SYNPO2: variants seen among roughly 807,000 people sequenced by gnomAD.
The protein encoded by SYNPO2 is synaptopodin-2.
In SYNPO2, 56 loss-of-function variants were observed where a neutral mutation model predicts 85.0. The observed-to-expected ratio is 0.66, with a 90% CI of 0.53 to 0.82. SYNPO2 has a LOEUF of 0.82. SYNPO2 is among the 40% of genes least tolerant of loss of function. The pLI is 0.00. For missense variants in SYNPO2, 1,575 were observed against 1,534.2 expected (o/e 1.03, Z -0.44); for synonymous variants, 602 against 591.1 (o/e 1.02, Z -0.27).
chr4:119,035,824 A>AG, intron 4 of SYNPO2: 1 of 983,790 alleles, frequency 1.0e-6, no homozygotes, highest in Non-Finnish European at 1.2e-6. Flanking sequence ...ATGTCCAAAA[A>AG]AAAAAAAAAA....
rs1172961408 is a variant in SYNPO2, at chr4:119,030,642, T to C, written c.1867T>C (p.Ser623Pro). ...TGACTTTCCTGCACCTCCACCTTACTCTGCAGTCACTCCTCCCCCTGACGC... is the reference window on the plus strand; with the variant it reads ...TGACTTTCCTGCACCTCCACCTTACCCTGCAGTCACTCCTCCCCCTGACGC... ...IADFPAPPPY[S>P]AVTPPPDAFS... The change falls in exon 4 of 5, where the codon TCT becomes CCT. Residue 623 changes from serine to proline, a missense_variant. Ser to Pro is a moderately conservative substitution (Grantham distance 74, BLOSUM62 -1). Coordinates refer to ENST00000307142, the MANE Select transcript of SYNPO2 (RefSeq NM_133477.3). 1 of 1,614,072 alleles carries C rather than the reference T, an allele frequency of 6.2e-7. No homozygotes were observed. Among genetic ancestry groups the C allele is most frequent in the South Asian group, 1.1e-5 (1 of 91,068 alleles).
chr4:118,939,904 G>A (rs902784539), intron 1 of SYNPO2, among the ~76,000 whole-genome samples: 3 of 151,396 alleles, frequency 2.0e-5, no homozygotes, highest in Non-Finnish European at 4.4e-5. Flanking sequence ...CTGTGTGAAT[G>A]TGCTGGCTTG....
intron 1 of SYNPO2, among the ~76,000 whole-genome samples, chr4:118,924,941 C>T (rs2149130092): frequency 6.6e-6 from 1 of 152,282 alleles, no homozygotes; most frequent in South Asian, 2.1e-4. Context: ...AATTATTCTG[C>T]ACATTTTTGC....
chr4:118,900,663 TTCTCTCTC>T lies in SYNPO2; in HGVS notation c.105+11556_105+11563del, dbSNP rs376467151. Among the ~76,000 whole-genome samples the T allele has an allele frequency of 3.5e-3, 274 of 77,494 alleles. 1 individual carries two copies. Among genetic ancestry groups the T allele is most frequent in the African/African-American group, 0.012 (236 of 18,924 alleles). The allele number at this position is 77,494 out of a possible 152,430, so 50.8% of individuals were successfully genotyped here. A position where few individuals can be genotyped will look rare whatever the true frequency, so the allele number is the denominator to read the frequency against. ...TTTGTAATCTTACCCTAGAATCTCT[TTCTCTCTC>T]TCTCTCTCTCTCTCTCTCTCTCTCT... On this transcript the variant is annotated intron_variant, in intron 1 of 4. Transcript: ENST00000307142.
intron 1 of SYNPO2, among the ~76,000 whole-genome samples, chr4:118,870,360 G>C (rs1184717808): frequency 6.6e-6 from 1 of 152,234 alleles, no homozygotes; most frequent in Non-Finnish European, 1.5e-5. Context: ...TTTAAGGAAA[G>C]ATTTATTAAG....
At chr4:118,990,906 G>A (rs894230545) in intron 1 of SYNPO2, among the ~76,000 whole-genome samples, 3 of 151,984 alleles carry the variant, frequency 2.0e-5, no homozygotes, top group African/African-American at 4.8e-5. Context: ...CACCATGCCC[G>A]GCCTAAGCTG....
chr4:118,914,421 A>G (rs1328557496), intron 1 of SYNPO2, among the ~76,000 whole-genome samples: 1 of 152,142 alleles, frequency 6.6e-6, no homozygotes, highest in Non-Finnish European at 1.5e-5. Context: ...GGACAGAGAA[A>G]GAAGAGTCAA....
upstream of SYNPO2, among the ~76,000 whole-genome samples, chr4:118,886,580 AAC>A (rs1426835781): frequency 1.3e-5 from 2 of 152,226 alleles, no homozygotes; most frequent in African/African-American, 2.4e-5. Context: ...AAAGGACATT[AAC>A]ACATTCTTTT....
rs537134711 is a variant in SYNPO2, at chr4:119,056,733, T to A, written c.3253-668T>A. 5.9e-5 allele frequency among the ~76,000 whole-genome samples: 9 copies of A among 152,148 alleles called. No homozygotes were observed. The East Asian group carries it at 1.7e-3, about 29-fold the overall frequency. On this transcript the variant is annotated intron_variant, in intron 4 of 4. Transcript: ENST00000307142. ...GTAATTCCCTCAGAGACAAAGGCAA[T>A]ACACTCCACTCAGGAAATAAAAATC...
chr4:118,862,827 T>C (rs1214273850), intron 1 of SYNPO2, among the ~76,000 whole-genome samples: 1 of 152,140 alleles, frequency 6.6e-6, no homozygotes, highest in Non-Finnish European at 1.5e-5. Flanking sequence ...TTTTGCTTTT[T>C]TGAAATGGAA....
intron 1 of SYNPO2, among the ~76,000 whole-genome samples, chr4:118,896,291 A>T (rs1442653271): frequency 6.6e-6 from 1 of 152,218 alleles, no homozygotes; most frequent in African/African-American, 2.4e-5. Context: ...GATTACAGGA[A>T]CACATCTGTA....
chr4:118,950,091 T>C (rs934087904), intron 1 of SYNPO2, among the ~76,000 whole-genome samples: 1 of 127,976 alleles, frequency 7.8e-6, no homozygotes, highest in Admixed American at 7.4e-5. Flanking sequence ...GAAATCACAA[T>C]AGAAAACTGC....
At chr4:119,003,580 A>G (rs1216004641) in intron 1 of SYNPO2, among the ~76,000 whole-genome samples, 1 of 152,190 alleles carries the variant, frequency 6.6e-6, no homozygotes, top group Non-Finnish European at 1.5e-5. Flanking sequence ...TCTCTTTTGT[A>G]TCATCCTGTT....
chr4:119,029,764 G>C, intron 3 of SYNPO2, 81 bp from the exon 4 acceptor site: 3 of 1,421,996 alleles, frequency 2.1e-6, no homozygotes, highest in Non-Finnish European at 2.8e-6. Context: ...TTTCCCCCAG[G>C]AGAGTTCATT....
intron 1 of SYNPO2, among the ~76,000 whole-genome samples, chr4:118,897,992 G>A (rs977125452): frequency 6.6e-6 from 1 of 152,050 alleles, no homozygotes; most frequent in Non-Finnish European, 1.5e-5. Context: ...TTTCCAGAAC[G>A]AATAATTTAG....
Position 119,023,472 on chromosome 4 carries a change from G to T in SYNPO2, c.148G>T (p.Gly50Ter), listed in dbSNP as rs267599999. Residue 50 changes from glycine (G) to a stop codon, truncating the protein, a stop_gained, in exon 2 of 5, where the codon GGA becomes TGA. Transcript: ENST00000307142. LOFTEE classifies it high-confidence loss of function. The part of the protein sequence containing the change: ...SKASGSGLCE[G>*]DEVVSINGNP... ...AGCCTCTGGGTCTGGGCTCTGTGAG[G>T]GAGATGAAGTGGTTTCCATCAATGG... The T allele has an allele frequency of 6.2e-7, 1 of 1,613,732 alleles. No individual in the cohort carries two copies. The highest frequency in any genetic ancestry group is 8.5e-7 in the Non-Finnish European group (1 of 1,179,820).
At chr4:119,028,345 A>G (rs185799579) in intron 3 of SYNPO2, among the ~76,000 whole-genome samples, 1 of 152,058 alleles carries the variant, frequency 6.6e-6, no homozygotes, top group African/African-American at 2.4e-5. Context: ...AAAGTAGGAT[A>G]TTAAGTCTTC....
In SYNPO2 at chr4:119,026,583, A is replaced by G. The variant is rs376661222; in HGVS notation, c.258-44A>G. 18 of 1,533,926 alleles carry G rather than the reference A, an allele frequency of 1.2e-5. No homozygotes were observed. The African/African-American group carries it at 1.9e-4, about 17-fold the overall frequency. ...GTCAGGAAGTTCTTTGGCAGATGTAACATAGTCTGATTTAAGTGTCTGGAA... is the reference window on the plus strand; with the variant it reads ...GTCAGGAAGTTCTTTGGCAGATGTAGCATAGTCTGATTTAAGTGTCTGGAA... On this transcript the variant is annotated intron_variant, in intron 2 of 4. Transcript: ENST00000307142.
At chr4:118,933,895 G>T (rs1734017390) in intron 1 of SYNPO2, among the ~76,000 whole-genome samples, 1 of 129,742 alleles carries the variant, frequency 7.7e-6, no homozygotes. Context: ...TATACATGTA[G>T]GATGAAAAGT....
Sources: allele counts gnomAD v4.1 joint callset (sites outside exome capture counted in the v4.1 genomes callset), GRCh38; gene constraint gnomAD v4.1.1; transcripts MANE v1.5; gene names NCBI Gene and HGNC (gene_info 2026-07-23, HGNC 2026-07-21).